Variants in PARD3B observed in about 807,000 individuals in gnomAD.
PARD3B encodes par-3 family cell polarity regulator beta, also known as partitioning defective 3 homolog B.
PARD3B carries 103 observed loss-of-function variants against 130.2 expected under a neutral mutation model. That is an observed-to-expected ratio of 0.79 (90% CI 0.67 to 0.93). PARD3B has a LOEUF of 0.93. PARD3B is among the 40% of genes least tolerant of loss of function. PARD3B has a pLI of 0.00. For synonymous variants in PARD3B, 583 were observed against 553.2 expected (o/e 1.05, Z -0.76); for missense variants, 1,609 against 1,499.2 (o/e 1.07, Z -1.21).
At chr2:205,054,425 TATATATATATA>T (rs1426555156) in intron 4 of PARD3B, among the ~76,000 whole-genome samples, 1 of 22,346 alleles carries the variant, frequency 4.5e-5, no homozygotes, top group African/African-American at 1.7e-4. Context: ...TATATATATA[TATATATATATA>T]TTTTTTTTTT....
At chr2:205,188,946 A>G (rs2036247605) in intron 14 of PARD3B, among the ~76,000 whole-genome samples, 1 of 152,182 alleles carries the variant, frequency 6.6e-6, no homozygotes, top group African/African-American at 2.4e-5. Flanking sequence ...AAATTGCTCA[A>G]CCTATTTTTA....
At chr2:205,030,359 G>T (rs1415132953) in intron 3 of PARD3B, among the ~76,000 whole-genome samples, 1 of 152,170 alleles carries the variant, frequency 6.6e-6, no homozygotes, top group African/African-American at 2.4e-5. Context: ...AAGTTGTGTA[G>T]TGGAGACATC....
In PARD3B at chr2:205,563,559, A is replaced by G. The variant is rs1470218349; in HGVS notation, c.3260+10156A>G. 6.6e-6 allele frequency among the ~76,000 whole-genome samples: 1 copy of G among 152,104 alleles called. No individual in the cohort carries two copies. The highest frequency in any genetic ancestry group is 6.5e-5 in the Admixed American group (1 of 15,274). On this transcript the variant is annotated intron_variant, in intron 22 of 22. Coordinates refer to ENST00000406610, the MANE Select transcript of PARD3B (RefSeq NM_001302769.2). This position sits in a 1 kb window ranked among gnomAD's most constrained non-coding sequence, Gnocchi z 4.2. ...GTAATGTGAGTTCATGAGATGGGAG[A>G]TATCTTAGACCATATGAAGAATAGC...
intron 2 of PARD3B, among the ~76,000 whole-genome samples, chr2:204,933,923 C>G (rs747285151): frequency 3.3e-5 from 5 of 152,162 alleles, no homozygotes; most frequent in Non-Finnish European, 7.3e-5. Context: ...CTTGATGCTT[C>G]CTTGTAATCA....
rs1263753424 is a variant in PARD3B at position 205,407,868 on chromosome 2, C to T, written c.2741+6745C>T. 6.6e-6 allele frequency among the ~76,000 whole-genome samples: 1 copy of T among 151,994 alleles called. No homozygotes were observed. Among genetic ancestry groups the T allele is most frequent in the Non-Finnish European group, 1.5e-5 (1 of 68,004 alleles). On this transcript the variant is annotated intron_variant, in intron 19 of 22. Transcript: ENST00000406610. The surrounding 1 kb of genome is among the most constrained non-coding windows in gnomAD (Gnocchi z 4.1). Reference sequence around the variant, plus strand: ...CCAAAATCTTCCATTACTCTTATACCATATCAGAGTTTATTTTGCAGGAAG... The same window carrying T: ...CCAAAATCTTCCATTACTCTTATACTATATCAGAGTTTATTTTGCAGGAAG...
intron 10 of PARD3B, among the ~76,000 whole-genome samples, chr2:205,130,054 AC>A (rs1188313353): frequency 6.6e-6 from 1 of 152,236 alleles, no homozygotes; most frequent in Non-Finnish European, 1.5e-5. Flanking sequence ...TAATAACATT[AC>A]AACTATTTAG....
intron 4 of PARD3B, among the ~76,000 whole-genome samples, chr2:205,098,605 G>C (rs534637490): frequency 2.6e-5 from 4 of 152,274 alleles, no homozygotes; most frequent in Non-Finnish European, 4.4e-5. Flanking sequence ...GTATAACCTA[G>C]TGATGCTTCA....
At chr2:204,684,000 G>A (rs978159816) in intron 1 of PARD3B, among the ~76,000 whole-genome samples, 2 of 152,114 alleles carry the variant, frequency 1.3e-5, no homozygotes, top group Non-Finnish European at 2.9e-5. Flanking sequence ...GATGTGATGC[G>A]GCAACCCCAT....
chr2:204,848,175 T>C (rs2044544933), intron 2 of PARD3B, among the ~76,000 whole-genome samples: 1 of 152,204 alleles, frequency 6.6e-6, no homozygotes, highest in African/African-American at 2.4e-5. Flanking sequence ...AACTTTATCA[T>C]AGGTGAGTAT....
intron 2 of PARD3B, among the ~76,000 whole-genome samples, chr2:204,809,621 C>T (rs145714052): frequency 0.014 from 2,158 of 152,174 alleles, 59 homozygotes; most frequent in African/African-American, 0.049. Context: ...TGTACCAGTA[C>T]CATGCTGTTT....
intron 2 of PARD3B, among the ~76,000 whole-genome samples, chr2:204,844,421 T>A (rs1404229905): frequency 1.3e-5 from 2 of 152,150 alleles, no homozygotes; most frequent in Admixed American, 1.3e-4. Context: ...ATTTTATTTT[T>A]AAGTTATAAT....
intron 4 of PARD3B, among the ~76,000 whole-genome samples, chr2:205,084,760 C>G (rs1701638291): frequency 6.6e-6 from 1 of 151,882 alleles, no homozygotes. Context: ...GGTCAGAGAA[C>G]AAGATGTAAG....
At chr2:205,220,179 T>G (rs922425217) in intron 15 of PARD3B, among the ~76,000 whole-genome samples, 1 of 152,176 alleles carries the variant, frequency 6.6e-6, no homozygotes, top group Non-Finnish European at 1.5e-5. Context: ...TCTGATCATG[T>G]CACTTCCTTG....
At chr2:205,245,669 C>A in intron 15 of PARD3B, 109 bp from the exon 16 acceptor site, 1 of 833,754 alleles carries the variant, frequency 1.2e-6, no homozygotes, top group Non-Finnish European at 1.9e-6. Flanking sequence ...TCTCAAATCT[C>A]TGCCAGTAAA....
chr2:205,447,185 G>A (rs924351322), intron 20 of PARD3B, among the ~76,000 whole-genome samples: 7 of 152,262 alleles, frequency 4.6e-5, no homozygotes, highest in Admixed American at 2.0e-4. Context: ...ATTGTAACAT[G>A]AGTAGTGGTT....
At chr2:204,933,169 G>A (rs763627173) in intron 2 of PARD3B, among the ~76,000 whole-genome samples, 1 of 152,116 alleles carries the variant, frequency 6.6e-6, no homozygotes, top group South Asian at 2.1e-4. Flanking sequence ...AGAATTTGTA[G>A]GGCCCTGTGC....
At chr2:205,175,305 C>A (rs934068436) in intron 12 of PARD3B, among the ~76,000 whole-genome samples, 2 of 152,262 alleles carry the variant, frequency 1.3e-5, no homozygotes, top group Non-Finnish European at 2.9e-5. Context: ...TAATTTAGGA[C>A]TAGCTTACCT....
In PARD3B at chr2:205,586,082, T is replaced by A. The variant is rs990514367; in HGVS notation, c.3261-29374T>A. Among the ~76,000 whole-genome samples, 16 of 152,352 alleles carry A rather than the reference T, an allele frequency of 1.1e-4. No individual in the cohort carries two copies. In the East Asian group the frequency reaches 2.7e-3, roughly 26 times the overall value. On this transcript the variant is annotated intron_variant, in intron 22 of 22. Coordinates refer to ENST00000406610, the MANE Select transcript of PARD3B (RefSeq NM_001302769.2). ...TTTCATAGTGTGTATTTATTTGCAA[T>A]ATAAGTAAGTTCATGATTTACCCAT...
At position 205,263,834 on chromosome 2, in the gene PARD3B, A is replaced by C. The variant is rs970122023; in HGVS notation, c.2185+18012A>C. Among the ~76,000 whole-genome samples the C allele has an allele frequency of 2.0e-5, 3 of 151,298 alleles. No homozygotes were observed. The highest frequency in any genetic ancestry group is 7.3e-5 in the African/African-American group (3 of 41,192). On this transcript the variant is annotated intron_variant, in intron 16 of 22. Transcript: ENST00000406610. The surrounding 1 kb of genome is among the most constrained non-coding windows in gnomAD (Gnocchi z 4.0). Reference sequence around the variant, plus strand: ...TATCCAACAAAGGATCTGTATACAGAATATATAAAAGTTCCGAACCCAAGG... The same window carrying C: ...TATCCAACAAAGGATCTGTATACAGCATATATAAAAGTTCCGAACCCAAGG...
Sources: allele counts gnomAD v4.1 joint callset (sites outside exome capture counted in the v4.1 genomes callset), GRCh38; gene constraint gnomAD v4.1.1; non-coding constraint Gnocchi (gnomAD v3.1); transcripts MANE v1.5; gene names NCBI Gene and HGNC (gene_info 2026-07-23, HGNC 2026-07-21).